The following PAPPA2 variants were observed in gnomAD, a reference collection of about 807,000 sequenced individuals.
PAPPA2 encodes pappalysin 2.
In PAPPA2, 86 loss-of-function variants were observed where a neutral mutation model predicts 176.4. That is an observed-to-expected ratio of 0.49 (90% CI 0.41 to 0.58). The LOEUF is 0.58. Among genes scored for constraint, PAPPA2 ranks in the 20% least tolerant of loss-of-function variants. The pLI is 0.00. For missense variants in PAPPA2, 2,073 were observed against 2,256.9 expected, an observed-to-expected ratio of 0.92 and a Z score of 1.65; for synonymous variants, 809 against 852.2, an observed-to-expected ratio of 0.95 and a Z score of 0.88.
At chr1:176,590,803 A>G (rs1653610180) in intron 2 of PAPPA2, among the ~76,000 whole-genome samples, 1 of 152,128 alleles carries the variant, frequency 6.6e-6, no homozygotes, top group Non-Finnish European at 1.5e-5. Context: ...CACATGCACT[A>G]TGGTCTTTCC....
At chr1:176,715,887 A>G (rs1045994654) in intron 12 of PAPPA2, among the ~76,000 whole-genome samples, 2 of 152,152 alleles carry the variant, frequency 1.3e-5, no homozygotes, top group Non-Finnish European at 2.9e-5. Flanking sequence ...TTGGGCAAAT[A>G]TAATACTTGA....
intron 3 of PAPPA2, among the ~76,000 whole-genome samples, chr1:176,609,953 T>A (rs958157099): frequency 9.9e-5 from 15 of 152,148 alleles, no homozygotes; most frequent in African/African-American, 3.6e-4. Flanking sequence ...AGAGGAGATG[T>A]GAAAAAGGTA....
chr1:176,829,525 C>T (rs546748981), intron 21 of PAPPA2, among the ~76,000 whole-genome samples: 26 of 152,300 alleles, frequency 1.7e-4, no homozygotes, highest in African/African-American at 6.3e-4. Flanking sequence ...TCAGGCCTGC[C>T]TCAGCCTCCC....
At chr1:176,498,093 A>T (rs1210844643) in intron 1 of PAPPA2, among the ~76,000 whole-genome samples, 1 of 152,194 alleles carries the variant, frequency 6.6e-6, no homozygotes, top group Non-Finnish European at 1.5e-5. Context: ...ACAGTGGTGG[A>T]GAGTTGGAAT....
intron 1 of PAPPA2, among the ~76,000 whole-genome samples, chr1:176,554,063 T>A (rs908505408): frequency 1.3e-5 from 2 of 152,086 alleles, no homozygotes; most frequent in South Asian, 4.2e-4. Flanking sequence ...GTAACATCCA[T>A]GTGCCTGAGT....
At chr1:176,608,803 C>T (rs549954642) in intron 3 of PAPPA2, among the ~76,000 whole-genome samples, 1 of 152,226 alleles carries the variant, frequency 6.6e-6, no homozygotes, top group South Asian at 2.1e-4. Context: ...TTTCTAGATT[C>T]CTCTTTTAAC....
intron 17 of PAPPA2, among the ~76,000 whole-genome samples, chr1:176,774,166 C>G (rs1429199394): frequency 6.6e-6 from 1 of 151,932 alleles, no homozygotes; most frequent in Non-Finnish European, 1.5e-5. Flanking sequence ...GCTTTTTTTC[C>G]TTTGCCTATT....
chr1:176,538,505 C>A (rs1650196776), intron 1 of PAPPA2, among the ~76,000 whole-genome samples: 1 of 152,180 alleles, frequency 6.6e-6, no homozygotes, highest in Admixed American at 6.5e-5. Context: ...TCTTCCAATT[C>A]AGATTTCTTC....
In PAPPA2 at chr1:176,692,110, T is replaced by C. The variant is rs758841794; in HGVS notation, c.2432-16T>C. 1.9e-5 allele frequency: 31 copies of C among 1,593,382 alleles called. No homozygotes were observed. The highest frequency in any genetic ancestry group is 2.7e-5 in the Non-Finnish European group (31 of 1,165,262). On this transcript the variant is annotated splice_polypyrimidine_tract_variant and intron_variant, in intron 5 of 22. Transcript: ENST00000367662. The stretch of plus-strand genomic sequence containing the variant: ...TAAAATCTCCATCTCTTGTGCCACC[T>C]TTTTTGTCTCCACAGATGATAACTG...
intron 19 of PAPPA2, among the ~76,000 whole-genome samples, chr1:176,791,826 G>A (rs1275730246): frequency 6.6e-6 from 1 of 152,166 alleles, no homozygotes. Context: ...ACAGGCATGA[G>A]CCACTGCACC....
chr1:176,523,210 T>A (rs1649299344), intron 1 of PAPPA2, among the ~76,000 whole-genome samples: 1 of 152,162 alleles, frequency 6.6e-6, no homozygotes, highest in South Asian at 2.1e-4. Flanking sequence ...TGCACATGTC[T>A]GAGGTATAAC....
At chr1:176,566,368 G>A (rs1441626951) in intron 2 of PAPPA2, among the ~76,000 whole-genome samples, 2 of 152,178 alleles carry the variant, frequency 1.3e-5, no homozygotes, top group Non-Finnish European at 1.5e-5. Context: ...CAGCTTCAGT[G>A]CCTGGCACCT....
At chr1:176,721,222 C>T (rs1437910066) in intron 12 of PAPPA2, among the ~76,000 whole-genome samples, 3 of 152,196 alleles carry the variant, frequency 2.0e-5, no homozygotes, top group Non-Finnish European at 2.9e-5. Flanking sequence ...GGTTGCAATA[C>T]GCATTCTAAC....
chr1:176,465,290 G>A (rs1651564445), intron 1 of PAPPA2, among the ~76,000 whole-genome samples: 1 of 152,222 alleles, frequency 6.6e-6, no homozygotes, highest in Admixed American at 6.5e-5. Flanking sequence ...CTAGTTAAAA[G>A]TGTATGGAGA....
intron 17 of PAPPA2, among the ~76,000 whole-genome samples, chr1:176,772,686 G>A (rs1258302634): frequency 2.0e-5 from 3 of 152,166 alleles, no homozygotes; most frequent in Non-Finnish European, 2.9e-5. Context: ...GTGGGCTCTA[G>A]CAGGTGTAGT....
intron 1 of PAPPA2, among the ~76,000 whole-genome samples, chr1:176,541,775 T>A (rs149280673): frequency 6.6e-6 from 1 of 152,352 alleles, no homozygotes; most frequent in African/African-American, 2.4e-5. Flanking sequence ...TGCCTTTTGA[T>A]TTGTTCACTA....
intron 14 of PAPPA2, among the ~76,000 whole-genome samples, chr1:176,750,839 G>A (rs928608331): frequency 3.3e-5 from 5 of 152,040 alleles, no homozygotes; most frequent in East Asian, 1.9e-4. Context: ...ATGAGTTCAC[G>A]CATTGTGTTA....
At chr1:176,532,242 T>C (rs1008354365) in intron 1 of PAPPA2, among the ~76,000 whole-genome samples, 79 of 152,344 alleles carry the variant, frequency 5.2e-4, no homozygotes, top group African/African-American at 1.8e-3. Context: ...GTTCAGTGAA[T>C]TGGAAGAGGT....
chr1:176,733,355 C>T (rs769938762), intron 12 of PAPPA2, among the ~76,000 whole-genome samples: 2 of 152,086 alleles, frequency 1.3e-5, no homozygotes, highest in Admixed American at 1.3e-4. Context: ...TTGTGGGAAT[C>T]CTGCAAAAGC....
Sources: allele counts gnomAD v4.1 joint callset (sites outside exome capture counted in the v4.1 genomes callset), GRCh38; gene constraint gnomAD v4.1.1; transcripts MANE v1.5; gene names NCBI Gene and HGNC (gene_info 2026-07-23, HGNC 2026-07-21).